ANAPC5: variants seen among roughly 807,000 people sequenced by gnomAD.
ANAPC5 encodes anaphase promoting complex subunit 5, also known as anaphase-promoting complex subunit 5.
ANAPC5 carries 60 observed loss-of-function variants against 91.3 expected under a neutral mutation model. The ratio of observed to expected loss-of-function variants is 0.66; its 90% CI spans 0.53 to 0.81. The LOEUF (loss-of-function observed/expected upper bound fraction) is 0.81, where lower values mean the gene tolerates loss of function less well. ANAPC5 is among the 40% of genes least tolerant of loss of function. The pLI is 0.00. For missense variants in ANAPC5, 690 were observed against 931.5 expected (o/e 0.74, Z 3.37); for synonymous variants, 340 against 364.1 (o/e 0.93, Z 0.75).
intron 7 of ANAPC5, chr12:121,334,202 C>T (rs1468036677): frequency 6.6e-6 from 1 of 152,158 alleles, no homozygotes. Context: ...TTGCTTGAGC[C>T]CATGAGTTTG....
At chr12:121,343,638 C>A (rs1345395746) in intron 4 of ANAPC5, among the ~76,000 whole-genome samples, 1 of 152,190 alleles carries the variant, frequency 6.6e-6, no homozygotes, top group Non-Finnish European at 1.5e-5. Flanking sequence ...TATCCTCTTG[C>A]TCTCAATATG....
intron 11 of ANAPC5, 145 bp downstream of exon 11, chr12:121,326,951 T>C: frequency 8.7e-7 from 1 of 1,148,890 alleles, no homozygotes; most frequent in Non-Finnish European, 1.2e-6. Context: ...CTTGGTCCCC[T>C]TCCACTGGTG....
At chr12:121,335,250 C>G (rs547281082) in intron 7 of ANAPC5, 18 of 206,316 alleles carry the variant, frequency 8.7e-5, no homozygotes, top group African/African-American at 3.9e-4. Context: ...ACTGCAACCT[C>G]CACCTCCCGG....
chr12:121,347,490 G>A (rs1903715103), intron 2 of ANAPC5: 1 of 313,226 alleles, frequency 3.2e-6, no homozygotes, highest in African/African-American at 2.2e-5. Flanking sequence ...AATTAGCCAG[G>A]TTTGGTGGTG....
intron 15 of ANAPC5, among the ~76,000 whole-genome samples, chr12:121,312,375 C>T (rs1902199330): frequency 6.6e-6 from 1 of 151,808 alleles, no homozygotes; most frequent in Admixed American, 6.6e-5. Flanking sequence ...ACCAGCCTGG[C>T]CAACATGATG....
chr12:121,346,339 C>G (rs951616248), intron 3 of ANAPC5: 2 of 232,582 alleles, frequency 8.6e-6, no homozygotes, highest in Non-Finnish European at 1.6e-5. Flanking sequence ...ACTGGCTCCC[C>G]CAACCAGAGG....
At chr12:121,311,211 G>A (rs576842388) in intron 15 of ANAPC5, among the ~76,000 whole-genome samples, 3 of 152,088 alleles carry the variant, frequency 2.0e-5, no homozygotes, top group South Asian at 4.1e-4. Context: ...AGTGAGCTAC[G>A]ATTGCAGCAA....
chr12:121,350,447 C>T (rs532679710), intron 1 of ANAPC5, among the ~76,000 whole-genome samples: 101 of 152,116 alleles, frequency 6.6e-4, no homozygotes, highest in African/African-American at 2.3e-3. Context: ...TTTGGGAGGC[C>T]GAGGCGGACA....
At chr12:121,321,343 CT>C (rs71079053) in intron 11 of ANAPC5, among the ~76,000 whole-genome samples, 20,910 of 100,634 alleles carry the variant, frequency 0.21, 1,740 homozygotes, top group Non-Finnish European at 0.27. Context: ...AAACAAATTA[CT>C]TTTTTTTTTT....
rs1396683053 is a variant in ANAPC5, at chr12:121,346,049, A to G, written c.398-18T>C. ...AAACAAACCTACAAAATAAGACGAGAGACAAGGGGAAAGCATTAACTGACA... is the reference window on the plus strand; with the variant it reads ...AAACAAACCTACAAAATAAGACGAGGGACAAGGGGAAAGCATTAACTGACA... On this transcript the variant is annotated intron_variant, in intron 3 of 16. Coordinates refer to ENST00000261819, the MANE Select transcript of ANAPC5 (RefSeq NM_016237.5). 6.3e-7 allele frequency: 1 copy of G among 1,586,398 alleles called. No individual in the cohort carries two copies. The highest frequency in any genetic ancestry group is 8.6e-7 in the Non-Finnish European group (1 of 1,167,338).
chr12:121,344,305 G>A (rs1366400441), intron 4 of ANAPC5, among the ~76,000 whole-genome samples: 1 of 152,228 alleles, frequency 6.6e-6, no homozygotes, highest in African/African-American at 2.4e-5. Context: ...GGGGCCGAGT[G>A]CGGTGGCTCA....
intron 5 of ANAPC5, among the ~76,000 whole-genome samples, chr12:121,340,698 G>A (rs368463935): frequency 2.0e-5 from 3 of 150,248 alleles, no homozygotes; most frequent in Admixed American, 1.3e-4. Context: ...GATTACAGAC[G>A]GGCATCACCA....
chr12:121,335,806 A>G (rs1903213587), intron 6 of ANAPC5, 83 bp from the exon 7 acceptor site: 1 of 1,185,930 alleles, frequency 8.4e-7, no homozygotes, highest in Admixed American at 2.1e-5. Context: ...CACTGTCTAC[A>G]AACACTAGTG....
chr12:121,311,356 T>C (rs1902161561), intron 15 of ANAPC5, among the ~76,000 whole-genome samples: 1 of 152,234 alleles, frequency 6.6e-6, no homozygotes, highest in African/African-American at 2.4e-5. Flanking sequence ...AGTGCCTATA[T>C]GAGTATCATA....
intron 1 of ANAPC5, among the ~76,000 whole-genome samples, chr12:121,351,667 C>CA (rs1903897792): frequency 6.6e-6 from 1 of 152,034 alleles, no homozygotes; most frequent in Non-Finnish European, 1.5e-5. Flanking sequence ...CTACGTTGGT[C>CA]AGGCTGGTCT....
At chr12:121,347,189 T>C (rs374232851) in intron 2 of ANAPC5, 184 bp from the exon 3 acceptor site, 9 of 524,306 alleles carry the variant, frequency 1.7e-5, no homozygotes, top group Middle Eastern at 4.8e-4. Context: ...AAAAGTATCA[T>C]TGTTGTTTTC....
At chr12:121,353,553 G>A (rs562690913), upstream of ANAPC5, among the ~76,000 whole-genome samples, 1 of 152,058 alleles carries the variant, frequency 6.6e-6, no homozygotes, top group South Asian at 2.1e-4. Flanking sequence ...CCATTCTCCT[G>A]CTTCAGCCTA....
At chr12:121,343,118 T>A (rs893593285) in intron 4 of ANAPC5, among the ~76,000 whole-genome samples, 3 of 152,190 alleles carry the variant, frequency 2.0e-5, no homozygotes, top group Admixed American at 2.0e-4. Flanking sequence ...TATACATAAA[T>A]GACTTCTTAG....
In ANAPC5 at chr12:121,315,927, A is replaced by ACAG. The variant is rs2136759205; in HGVS notation, c.1893+2349_1893+2350insCTG. On this transcript the variant is annotated intron_variant, in intron 15 of 16. Transcript: ENST00000261819. ...CATGATACTAAAAGCACAAGCAACA[A>ACAG]AAGAAAAATAAATTGGACTTCATAA... is the stretch of plus-strand genomic sequence containing the variant. 2.0e-5 allele frequency among the ~76,000 whole-genome samples: 3 copies of ACAG among 152,346 alleles called. No individual in the cohort carries two copies. The South Asian group carries it at 6.2e-4, about 32-fold the overall frequency.
Sources: gnomAD v4.1 joint callset for allele counts (sites outside exome capture counted in the v4.1 genomes callset) on GRCh38, gnomAD v4.1.1 for gene constraint, MANE v1.5 for transcripts, NCBI Gene and HGNC (gene_info 2026-07-23, HGNC 2026-07-21) for gene names.